CCSER1: variants seen among roughly 807,000 people sequenced by gnomAD.
The protein encoded by CCSER1 is serine-rich coiled-coil domain-containing protein 1.
A neutral mutation model predicts 82.0 loss-of-function variants in CCSER1; 41 were observed. The ratio of observed to expected loss-of-function variants is 0.50; its 90% CI spans 0.39 to 0.65. The LOEUF (loss-of-function observed/expected upper bound fraction) is 0.65. CCSER1 is among the 30% of genes least tolerant of loss of function. CCSER1 has a pLI of 0.00. For missense variants in CCSER1, 1,119 were observed against 1,064.2 expected (o/e 1.05, Z -0.72); for synonymous variants, 414 against 383.9 (o/e 1.08, Z -0.92).
At chr4:91,301,503 A>G (rs1452557135) in intron 10 of CCSER1, among the ~76,000 whole-genome samples, 1 of 150,742 alleles carries the variant, frequency 6.6e-6, no homozygotes, top group African/African-American at 2.4e-5. Context: ...AGGTGGAGTC[A>G]TTATTTGCCT....
intron 4 of CCSER1, among the ~76,000 whole-genome samples, chr4:90,436,770 G>A (rs1176492572): frequency 1.3e-5 from 2 of 150,670 alleles, no homozygotes; most frequent in South Asian, 2.1e-4. Context: ...ACACATATAT[G>A]TATTATATTA....
chr4:91,426,275 A>G (rs1340067934), intron 10 of CCSER1, among the ~76,000 whole-genome samples: 1 of 151,928 alleles, frequency 6.6e-6, no homozygotes, highest in Non-Finnish European at 1.5e-5. Flanking sequence ...ATTTTCTTTA[A>G]CCAATCTATT....
intron 6 of CCSER1, among the ~76,000 whole-genome samples, chr4:90,674,425 G>A (rs1373680424): frequency 6.6e-6 from 1 of 151,874 alleles, no homozygotes; most frequent in African/African-American, 2.4e-5. Context: ...CTGACACTGA[G>A]AGAAGCGACA....
intron 3 of CCSER1, among the ~76,000 whole-genome samples, chr4:90,317,673 G>T (rs894332615): frequency 6.6e-6 from 1 of 151,950 alleles, no homozygotes; most frequent in African/African-American, 2.4e-5. Context: ...CAAATCTAGC[G>T]ACTTATATAA....
At chr4:90,620,884 G>T (rs1054311294) in intron 5 of CCSER1, among the ~76,000 whole-genome samples, 2 of 152,116 alleles carry the variant, frequency 1.3e-5, no homozygotes, top group Non-Finnish European at 2.9e-5. Context: ...CGCGATCTCA[G>T]CTCACTGCAA....
At chr4:90,892,146 T>A (rs1723051996) in intron 8 of CCSER1, among the ~76,000 whole-genome samples, 1 of 152,130 alleles carries the variant, frequency 6.6e-6, no homozygotes, top group African/African-American at 2.4e-5. Flanking sequence ...TGTATTTAAT[T>A]ACTGGCTTCA....
chr4:90,858,823 T>C (rs916441268), intron 8 of CCSER1, among the ~76,000 whole-genome samples: 1 of 151,824 alleles, frequency 6.6e-6, no homozygotes, highest in African/African-American at 2.4e-5. Flanking sequence ...GATTCTGCCC[T>C]CCATATTTGC....
At chr4:90,185,671 C>A (rs1186496748) in intron 1 of CCSER1, among the ~76,000 whole-genome samples, 1 of 151,994 alleles carries the variant, frequency 6.6e-6, no homozygotes, top group Admixed American at 6.6e-5. Context: ...CCCCAGTCCT[C>A]AAGCAAAATA....
chr4:91,532,334 T>G (rs1761075819), intron 10 of CCSER1, among the ~76,000 whole-genome samples: 1 of 152,210 alleles, frequency 6.6e-6, no homozygotes, highest in East Asian at 1.9e-4. Flanking sequence ...TGTAAATGGA[T>G]AATTCTGTAA....
intron 1 of CCSER1, among the ~76,000 whole-genome samples, chr4:90,302,242 G>A (rs1172364771): frequency 6.6e-6 from 1 of 152,148 alleles, no homozygotes; most frequent in South Asian, 2.1e-4. Flanking sequence ...GCATTAAGAA[G>A]CTTAAGACAA....
chr4:91,206,956 G>T (rs957475278), intron 10 of CCSER1, among the ~76,000 whole-genome samples: 32 of 151,776 alleles, frequency 2.1e-4, no homozygotes, highest in Non-Finnish European at 5.9e-5. Flanking sequence ...ACAATTAATT[G>T]CTTGTAAGAA....
intron 5 of CCSER1, among the ~76,000 whole-genome samples, chr4:90,529,783 C>A (rs1473647081): frequency 2.0e-5 from 3 of 151,950 alleles, no homozygotes; most frequent in Non-Finnish European, 4.4e-5. Context: ...AAGAGTTCTG[C>A]TCTGATGCTA....
intron 10 of CCSER1, among the ~76,000 whole-genome samples, chr4:91,177,385 G>T (rs1168247021): frequency 6.6e-6 from 1 of 152,202 alleles, no homozygotes; most frequent in Non-Finnish European, 1.5e-5. Context: ...AATAGTTTCA[G>T]AAGGAATGGC....
At chr4:91,208,632 T>C (rs1445403709) in intron 10 of CCSER1, among the ~76,000 whole-genome samples, 3 of 151,874 alleles carry the variant, frequency 2.0e-5, no homozygotes, top group Admixed American at 1.3e-4. Flanking sequence ...TACTGTAGTA[T>C]AGTTTGAAAT....
At chr4:91,085,921 T>G in intron 9 of CCSER1, 29 bp from the exon 10 acceptor site, 1 of 1,299,604 alleles carries the variant, frequency 7.7e-7, no homozygotes, top group Non-Finnish European at 1.1e-6. Flanking sequence ...TCGTTGCCAA[T>G]AATAATATAC....
At chr4:90,598,478 A>G (rs1280174928) in intron 5 of CCSER1, among the ~76,000 whole-genome samples, 1 of 152,130 alleles carries the variant, frequency 6.6e-6, no homozygotes. Context: ...AATATTTGTT[A>G]TCTCTTACCT....
chr4:91,464,675 G>C (rs1257767439), intron 10 of CCSER1, among the ~76,000 whole-genome samples: 1 of 151,776 alleles, frequency 6.6e-6, no homozygotes, highest in Non-Finnish European at 1.5e-5. Flanking sequence ...CAAGCAAATG[G>C]AAAACAAAAA....
intron 7 of CCSER1, among the ~76,000 whole-genome samples, chr4:90,775,870 G>A (rs1029425844): frequency 1.3e-5 from 2 of 151,638 alleles, no homozygotes; most frequent in African/African-American, 4.8e-5. Flanking sequence ...TATCACTGAG[G>A]AAAATGTCTC....
intron 10 of CCSER1, among the ~76,000 whole-genome samples, chr4:91,244,653 A>C (rs1002339480): frequency 4.6e-5 from 7 of 152,200 alleles, no homozygotes; most frequent in African/African-American, 1.4e-4. Flanking sequence ...AACTCCTGGA[A>C]AGCCTTCCCA....
Sources: allele counts gnomAD v4.1 joint callset (sites outside exome capture counted in the v4.1 genomes callset), GRCh38; gene constraint gnomAD v4.1.1; transcripts MANE v1.5; gene names NCBI Gene and HGNC (gene_info 2026-07-23, HGNC 2026-07-21).